The following TTC23 variants were observed in gnomAD, a reference collection of about 807,000 sequenced individuals.
The protein encoded by TTC23 is tetratricopeptide repeat domain 23.
TTC23 carries 58 observed loss-of-function variants against 55.1 expected under a neutral mutation model. The observed-to-expected ratio is 1.05, with a 90% CI of 0.85 to 1.31. TTC23 has a LOEUF of 1.31. Among genes scored for constraint, TTC23 ranks in the 50% most tolerant of loss-of-function variants. The pLI, the probability that TTC23 is intolerant of heterozygous loss-of-function variation, is 0.00. For missense variants in TTC23, 516 were observed against 534.4 expected (o/e 0.97, Z 0.34); for synonymous variants, 203 against 199.9 (o/e 1.02, Z -0.13).
chr15:99,140,123 G>T, intron 12 of TTC23: 1 of 180,800 alleles, frequency 5.5e-6, no homozygotes, highest in Non-Finnish European at 1.2e-5. Context: ...GTCACCCGGG[G>T]TAGACAAAAA....
chr15:99,146,879 T>C (rs1555493626), intron 12 of TTC23, among the ~76,000 whole-genome samples: 1 of 152,236 alleles, frequency 6.6e-6, no homozygotes, highest in African/African-American at 2.4e-5. Flanking sequence ...GGAATTCTTA[T>C]TACCACACAG....
At chr15:99,189,076 C>T (rs980201430) in intron 9 of TTC23, among the ~76,000 whole-genome samples, 5 of 151,898 alleles carry the variant, frequency 3.3e-5, no homozygotes, top group African/African-American at 1.2e-4. Flanking sequence ...GTTTAAATGC[C>T]CCAAAGTGGA....
chr15:99,190,986 T>C (rs1227128185), intron 9 of TTC23, among the ~76,000 whole-genome samples: 2 of 152,096 alleles, frequency 1.3e-5, no homozygotes, highest in Non-Finnish European at 2.9e-5. Context: ...GGTTTTGCCA[T>C]GTTGCCCAGG....
At chr15:99,204,372 TTCTGGTTATTAA>T (rs2076435618) in intron 8 of TTC23, among the ~76,000 whole-genome samples, 1 of 152,160 alleles carries the variant, frequency 6.6e-6, no homozygotes, top group Admixed American at 6.6e-5. Flanking sequence ...TCCTTATTTA[TTCTGGTTATTAA>T]TCCCTCGACA....
At chr15:99,205,759 A>G (rs1380222347) in intron 8 of TTC23, among the ~76,000 whole-genome samples, 1 of 152,168 alleles carries the variant, frequency 6.6e-6, no homozygotes, top group Non-Finnish European at 1.5e-5. Context: ...ACAAACAAGG[A>G]TAATTTGAAT....
chr15:99,243,344 ACAGATG>A (rs971958733), intron 2 of TTC23, among the ~76,000 whole-genome samples: 24 of 152,356 alleles, frequency 1.6e-4, no homozygotes, highest in African/African-American at 5.8e-4. Flanking sequence ...AAAGGCAGTA[ACAGATG>A]CTGGTGAGGA....
At chr15:99,195,234 A>G (rs975217780) in intron 9 of TTC23, among the ~76,000 whole-genome samples, 7 of 152,242 alleles carry the variant, frequency 4.6e-5, no homozygotes, top group Non-Finnish European at 7.3e-5. Flanking sequence ...AAACTCAACA[A>G]TAAGAAAATA....
rs545081960 is a variant in TTC23 at position 99,161,809 on chromosome 15, C to T, written c.924G>A (p.Met308Ile). Residue 308 changes from methionine to isoleucine, a missense_variant, in exon 11 of 14, where the codon ATG becomes ATA. By Grantham distance (10) the Met-to-Ile change is conservative (BLOSUM62 1). Coordinates refer to ENST00000394132, the MANE Select transcript of TTC23 (RefSeq NM_001288615.3). Reference protein sequence around the residue: ...SMAHLKDSEGMGRTKFLSIQD... With the variant: ...SMAHLKDSEGIGRTKFLSIQD... The stretch of plus-strand genomic sequence containing the variant: ...GAATTGAAAGAAATTTGGTTCTTCC[C>T]ATCCCTTCAGAATCCTTAAGATGAG... 6.2e-7 allele frequency: 1 copy of T among 1,613,668 alleles called. No homozygotes were observed. Among genetic ancestry groups the T allele is most frequent in the South Asian group, 1.1e-5 (1 of 90,996 alleles).
chr15:99,182,248 TCACACACACACACA>T (rs56223763), intron 9 of TTC23, among the ~76,000 whole-genome samples: 5 of 108,606 alleles, frequency 4.6e-5, no homozygotes, highest in Admixed American at 9.5e-5. Flanking sequence ...TCTCTCTCTC[TCACACACACACACA>T]CACACACACA....
intron 9 of TTC23, among the ~76,000 whole-genome samples, chr15:99,187,841 A>G (rs1345123266): frequency 3.3e-5 from 5 of 152,072 alleles, no homozygotes; most frequent in Admixed American, 1.3e-4. Flanking sequence ...ACAGATAGTA[A>G]GAAGTGTTGG....
Position 99,228,386 on chromosome 15 carries a change from T to G in TTC23, c.180+147A>C, listed in dbSNP as rs1030883286. 4 of 620,868 alleles carry G rather than the reference T, an allele frequency of 6.4e-6. No homozygotes were observed. The African/African-American group carries it at 7.4e-5, about 11-fold the overall frequency. 38.5% of individuals were successfully genotyped at this position (620,868 alleles called of 1,614,324 possible). ...TGGAGCCTAGAGGTACTGCATTCAT[T>G]CATGTTATAACAAAGGCACTGTCTT... is the stretch of plus-strand genomic sequence containing the variant. On this transcript the variant is annotated intron_variant, in intron 5 of 13. Coordinates refer to ENST00000394132, the MANE Select transcript of TTC23 (RefSeq NM_001288615.3).
At chr15:99,180,483 G>A (rs1040698087) in intron 9 of TTC23, among the ~76,000 whole-genome samples, 14 of 152,290 alleles carry the variant, frequency 9.2e-5, no homozygotes, top group South Asian at 4.1e-4. Flanking sequence ...TCAAGCTGTC[G>A]ACAGACACAG....
intron 8 of TTC23, among the ~76,000 whole-genome samples, chr15:99,201,829 A>C (rs2076225733): frequency 6.6e-6 from 1 of 152,178 alleles, no homozygotes; most frequent in Admixed American, 6.5e-5. Flanking sequence ...AGTTTTGTAA[A>C]TATCATACTT....
At chr15:99,197,346 C>T (rs1182059985) in intron 9 of TTC23, among the ~76,000 whole-genome samples, 1 of 152,160 alleles carries the variant, frequency 6.6e-6, no homozygotes, top group Non-Finnish European at 1.5e-5. Flanking sequence ...TTGTGATCCA[C>T]CCTCCTTGGC....
In TTC23 at chr15:99,213,008, G is replaced by GAAAA. The variant is rs1567501244; in HGVS notation, c.581+5579_581+5580insTTTT. Among the ~76,000 whole-genome samples the GAAAA allele has an allele frequency of 5.0e-3, 526 of 104,350 alleles. 13 individuals are homozygous for GAAAA. The highest frequency in any genetic ancestry group is 0.021 in the East Asian group (67 of 3,188). The allele number at this position is 104,350 out of a possible 152,430, so 68.5% of individuals were successfully genotyped here. The stretch of plus-strand genomic sequence containing the variant: ...TCAAAAAAAAAAAAAAAAAAAAAAG[G>GAAAA]GGGGGACATAAATCCAATGAGCGCT... On this transcript the variant is annotated intron_variant, in intron 8 of 13. Coordinates refer to ENST00000394132, the MANE Select transcript of TTC23 (RefSeq NM_001288615.3).
chr15:99,244,835 TAAAA>T (rs911496430), intron 2 of TTC23, among the ~76,000 whole-genome samples: 1 of 152,134 alleles, frequency 6.6e-6, no homozygotes, highest in Non-Finnish European at 1.5e-5. Flanking sequence ...AAAACAATCT[TAAAA>T]AAGAAGTTGG....
At position 99,221,793 on chromosome 15, in the gene TTC23, C is replaced by T; in HGVS notation, c.252G>A (p.Trp84Ter). The change falls in exon 6 of 14, where the codon TGG (tryptophan) becomes TGA (stop). Residue 84 changes from tryptophan to a stop codon, truncating the protein, a stop_gained. Coordinates refer to ENST00000394132, the MANE Select transcript of TTC23 (RefSeq NM_001288615.3). LOFTEE classifies it high-confidence loss of function. ...LTRICYGDSH[W>*]KLAEAHVNLA... is the part of the protein sequence containing the mutation. ...GATTAACATGTGCCTCTGCTAGTTT[C>T]CAATGTGAGTCTCCATAGCAAATTC... 14 of 1,614,150 alleles carry T rather than the reference C, an allele frequency of 8.7e-6. No individual in the cohort carries two copies. The highest frequency in any genetic ancestry group is 1.2e-5 in the Non-Finnish European group (14 of 1,180,022).
At chr15:99,235,988 C>CT (rs2079289721) in intron 3 of TTC23, among the ~76,000 whole-genome samples, 1 of 152,158 alleles carries the variant, frequency 6.6e-6, no homozygotes, top group Non-Finnish European at 1.5e-5. Context: ...AATTTCCTTT[C>CT]TTTTTAAGGC....
intron 10 of TTC23, among the ~76,000 whole-genome samples, chr15:99,163,647 C>A (rs974532897): frequency 6.6e-6 from 1 of 152,140 alleles, no homozygotes; most frequent in Admixed American, 6.5e-5. Flanking sequence ...GAAATCTAAC[C>A]CCCATGGTGA....
Sources: allele counts gnomAD v4.1 joint callset (sites outside exome capture counted in the v4.1 genomes callset), GRCh38; gene constraint gnomAD v4.1.1; transcripts MANE v1.5; gene names NCBI Gene and HGNC (gene_info 2026-07-23, HGNC 2026-07-21).